The following ARAP2 variants were observed in gnomAD, a reference collection of about 807,000 sequenced individuals.
The protein encoded by ARAP2 is arf-GAP with Rho-GAP domain, ANK repeat and PH domain-containing protein 2.
ARAP2 carries 148 observed loss-of-function variants against 194.5 expected under a neutral mutation model. The observed-to-expected ratio is 0.76, with a 90% confidence interval of 0.67 to 0.87. The LOEUF is 0.87. Among genes scored for constraint, ARAP2 ranks in the 40% least tolerant of loss-of-function variants. The pLI, the probability that ARAP2 is intolerant of heterozygous loss-of-function variation, is 0.00. For synonymous variants in ARAP2, 695 were observed against 683.5 expected (o/e 1.02, Z -0.26); for missense variants, 2,128 against 1,989.7 (o/e 1.07, Z -1.32).
chr4:36,215,323 G>A (rs546566743), intron 2 of ARAP2, among the ~76,000 whole-genome samples: 21 of 152,274 alleles, frequency 1.4e-4, no homozygotes, highest in Non-Finnish European at 2.1e-4. Context: ...AAAAAGTTCC[G>A]AAGAAATGCG....
intron 20 of ARAP2, among the ~76,000 whole-genome samples, chr4:36,132,053 ACT>A (rs1443368688): frequency 1.3e-5 from 2 of 151,710 alleles, no homozygotes; most frequent in African/African-American, 4.8e-5. Flanking sequence ...TTAAAATGAC[ACT>A]CTCCCTAGAA....
chr4:36,039,918 G>C (rs924440686), intron 5 of ARAP2, among the ~76,000 whole-genome samples: 1 of 151,578 alleles, frequency 6.6e-6, no homozygotes, highest in Non-Finnish European at 1.5e-5. Flanking sequence ...TGAAGGCCCA[G>C]ATAAAAAAGA....
intron 1 of ARAP2, among the ~76,000 whole-genome samples, chr4:36,238,746 T>C (rs1441531339): frequency 2.0e-5 from 3 of 152,242 alleles, no homozygotes; most frequent in Non-Finnish European, 4.4e-5. Context: ...ATCTTTGTAA[T>C]TGCTATATAA....
chr4:36,189,385 A>G (rs990935136), intron 7 of ARAP2, among the ~76,000 whole-genome samples: 4 of 152,146 alleles, frequency 2.6e-5, no homozygotes, highest in Non-Finnish European at 5.9e-5. Flanking sequence ...CCATCATCTC[A>G]ATTATTCATC....
In ARAP2 at chr4:36,117,045, C is replaced by A; in HGVS notation, c.4038+16G>T. ...GACTTCCAACAGTCCTCTTTACATC[C>A]ACCTTTAGAACTTACCCGAATTATA... On this transcript the variant is annotated intron_variant, in intron 25 of 32. Coordinates refer to ENST00000303965, the MANE Select transcript of ARAP2 (RefSeq NM_015230.4). 6.5e-7 allele frequency: 1 copy of A among 1,533,016 alleles called. No homozygotes were observed. The highest frequency in any genetic ancestry group is 8.8e-7 in the Non-Finnish European group (1 of 1,139,246). The allele number at this position is 1,533,016 out of a possible 1,614,324, so 95.0% of individuals were successfully genotyped here.
intron 6 of ARAP2, among the ~76,000 whole-genome samples, chr4:36,209,814 A>C (rs545165227): frequency 6.6e-6 from 1 of 152,356 alleles, no homozygotes; most frequent in Non-Finnish European, 1.5e-5. Flanking sequence ...TAAAATGCTT[A>C]AGGGACAAAA....
At chr4:36,172,596 C>T (rs950171844) in intron 9 of ARAP2, among the ~76,000 whole-genome samples, 1 of 152,078 alleles carries the variant, frequency 6.6e-6, no homozygotes, top group African/African-American at 2.4e-5. Context: ...TTTGCAGCAA[C>T]AGGACCTGGC....
intron 5 of ARAP2, among the ~76,000 whole-genome samples, chr4:36,042,986 G>A (rs1049617714): frequency 8.6e-5 from 13 of 151,946 alleles, no homozygotes; most frequent in Non-Finnish European, 1.6e-4. Context: ...GGGATTACAG[G>A]TGCCCACTAC....
At chr4:36,126,080 C>A (rs4833117) in intron 21 of ARAP2, among the ~76,000 whole-genome samples, 46,897 of 151,772 alleles carry the variant, frequency 0.31, 8,293 homozygotes, top group East Asian at 0.47. Flanking sequence ...TAGCCTGTAC[C>A]TGAAAGCAAT....
chr4:36,152,594 A>C (rs1731254379), intron 15 of ARAP2, among the ~76,000 whole-genome samples: 1 of 152,196 alleles, frequency 6.6e-6, no homozygotes, highest in Non-Finnish European at 1.5e-5. Flanking sequence ...AGATGTGTCC[A>C]AAATGATAAT....
At chr4:36,163,607 T>G (rs963706371) in intron 11 of ARAP2, among the ~76,000 whole-genome samples, 2 of 152,030 alleles carry the variant, frequency 1.3e-5, no homozygotes, top group Admixed American at 1.3e-4. Flanking sequence ...GAATGACACA[T>G]AGAAGGAAAT....
At chr4:36,128,791 A>C in intron 20 of ARAP2, 46 bp from the exon 21 acceptor site, 1 of 1,442,516 alleles carries the variant, frequency 6.9e-7, no homozygotes, top group Non-Finnish European at 9.5e-7. Flanking sequence ...CTAAATTCAA[A>C]AGCCAGTTTG....
At chr4:36,176,414 T>C (rs1737931556) in intron 9 of ARAP2, among the ~76,000 whole-genome samples, 1 of 152,156 alleles carries the variant, frequency 6.6e-6, no homozygotes, top group Non-Finnish European at 1.5e-5. Context: ...ACTTTTAAAA[T>C]ATTTATCTTA....
chr4:36,133,284 G>A lies in ARAP2; in HGVS notation c.3369C>T (p.Leu1123=), dbSNP rs1725867334. ...CTATAATGGGAACGTCATTTTTGCT[G>A]AGCTGCTGATCTTGTAAAGCATTAC... ...TDGNALQDQQ[L]SKNDVPIIVN... The change falls in exon 20 of 33, where the codon CTC becomes CTT. Residue 1123 remains leucine (L), a synonymous_variant. Transcript: ENST00000303965. 6.2e-7 allele frequency: 1 copy of A among 1,611,164 alleles called. No individual in the cohort carries two copies. The highest frequency in any genetic ancestry group is 1.3e-5 in the African/African-American group (1 of 74,692).
intron 15 of ARAP2, among the ~76,000 whole-genome samples, chr4:36,155,655 T>A (rs78991514): frequency 0.063 from 9,623 of 151,776 alleles, 341 homozygotes; most frequent in East Asian, 0.15. Context: ...TTATTTATTT[T>A]TTTTTTTATT....
intron 2 of ARAP2, among the ~76,000 whole-genome samples, chr4:36,224,592 T>G (rs1311042785): frequency 6.6e-6 from 1 of 152,190 alleles, no homozygotes; most frequent in East Asian, 1.9e-4. Context: ...TATACGTTTT[T>G]CAAACAAGAT....
At chr4:36,229,745 C>T in intron 1 of ARAP2, 100 bp from the exon 2 acceptor site, 1 of 295,300 alleles carries the variant, frequency 3.4e-6, no homozygotes, top group South Asian at 7.4e-5. Flanking sequence ...AGGACACTAA[C>T]TCTCACTCTG....
chr4:36,096,374 A>AAAAAAAG (rs1715290941), intron 27 of ARAP2, among the ~76,000 whole-genome samples: 2 of 142,074 alleles, frequency 1.4e-5, no homozygotes, highest in African/African-American at 2.9e-5. Flanking sequence ...AAAAAAAAAA[A>AAAAAAAG]AAAAAAGAAA....
rs1370670691 is a variant in ARAP2 at position 36,147,717 on chromosome 4, TA to T, written c.3029del (p.Leu1010Ter). On this transcript the variant is annotated frameshift_variant, in exon 18 of 33. Coordinates refer to ENST00000303965, the MANE Select transcript of ARAP2 (RefSeq NM_015230.4). LOFTEE classifies it high-confidence loss of function. ...KHFVPLFAEN[L>X]TEADYDLIGQ... The stretch of plus-strand genomic sequence containing the variant: ...CAATCAAATCATAGTCAGCTTCTGT[TA>T]AGTTTTCAGCAAATAAGGGAACAAA... 1 of 1,611,038 alleles carries T rather than the reference TA, an allele frequency of 6.2e-7. No individual in the cohort carries two copies. Among genetic ancestry groups the T allele is most frequent in the Non-Finnish European group, 8.5e-7 (1 of 1,179,044 alleles).
Sources: gnomAD v4.1 joint callset for allele counts (sites outside exome capture counted in the v4.1 genomes callset) on GRCh38, gnomAD v4.1.1 for gene constraint, MANE v1.5 for transcripts, NCBI Gene and HGNC (gene_info 2026-07-23, HGNC 2026-07-21) for gene names.